Variants in C10orf71 observed in about 807,000 individuals in gnomAD.
The protein encoded by C10orf71 is chromosome 10 open reading frame 71.
For missense variants in C10orf71, 1,869 were observed against 1,804.5 expected (o/e 1.04, Z -0.65); for synonymous variants, 758 against 726.3 (o/e 1.04, Z -0.70).
At chr10:49,308,960 A>C (rs1226408436) in intron 1 of C10orf71, among the ~76,000 whole-genome samples, 2 of 152,172 alleles carry the variant, frequency 1.3e-5, no homozygotes, top group Non-Finnish European at 2.9e-5. Context: ...CCTGCTCAGC[A>C]CTCCCAGGCC....
Position 49,324,956 on chromosome 10 carries a change from G to C in C10orf71, c.2411G>C (p.Arg804Thr). The C allele has an allele frequency of 6.4e-7, 1 of 1,551,032 alleles. No homozygotes were observed. The change falls in exon 3 of 3, where the codon AGG becomes ACG. Residue 804 changes from arginine to threonine, a missense_variant. Arg to Thr is a moderately conservative substitution (Grantham distance 71). Transcript: ENST00000374144. ...RSQGEALQRE[R>T]ESVSGGRTRK... The stretch of plus-strand genomic sequence containing the variant: ...CAGGGGGAAGCATTGCAAAGAGAAA[G>C]GGAAAGTGTGTCTGGAGGAAGAACC...
chr10:49,303,753 G>A (rs759211162), intron 1 of C10orf71, among the ~76,000 whole-genome samples: 1 of 152,240 alleles, frequency 6.6e-6, no homozygotes, highest in Non-Finnish European at 1.5e-5. Context: ...GGAGAACCAG[G>A]CTGGCCACAT....
intron 1 of C10orf71, among the ~76,000 whole-genome samples, chr10:49,311,588 A>G (rs34838288): frequency 0.13 from 19,440 of 152,272 alleles, 1,586 homozygotes; most frequent in East Asian, 0.28. Context: ...AAGGATCTCA[A>G]AGTCTAGTGG....
Position 49,324,913 on chromosome 10 carries a change from T to G in C10orf71, c.2368T>G (p.Cys790Gly). Residue 790 changes from cysteine (C) to glycine (G), a missense_variant, in exon 3 of 3, where the codon TGC becomes GGC. Cys to Gly is a radical substitution (Grantham distance 159, BLOSUM62 -3). Coordinates refer to ENST00000374144, the MANE Select transcript of C10orf71 (RefSeq NM_001135196.2). ...QYCALSNGHA[C>G]LENRSQGEAL... ...CTGTGCCTTAAGCAATGGGCACGCA[T>G]GCCTGGAAAACCGCAGCCAGGGGGA... The G allele has an allele frequency of 6.4e-7, 1 of 1,550,750 alleles. No homozygotes were observed. The highest frequency in any genetic ancestry group is 8.7e-7 in the Non-Finnish European group (1 of 1,146,248).
At chr10:49,309,562 T>C (rs957797154) in intron 1 of C10orf71, among the ~76,000 whole-genome samples, 5 of 152,214 alleles carry the variant, frequency 3.3e-5, no homozygotes, top group African/African-American at 1.2e-4. Context: ...ATTCTCCTCA[T>C]AAAGCATAGA....
chr10:49,324,137 T>A lies in C10orf71; in HGVS notation c.1592T>A (p.Val531Asp). ...KVLDEKTRGK[V>D]DGKQEPVSNG... is the part of the protein sequence containing the mutation. ...CTTGATGAGAAAACTAGAGGTAAGG[T>A]TGATGGAAAGCAAGAACCTGTGAGC... is the stretch of plus-strand genomic sequence containing the variant. The change falls in exon 3 of 3, where the codon GTT becomes GAT. Residue 531 changes from valine to aspartate, a missense_variant. Coordinates refer to ENST00000374144, the MANE Select transcript of C10orf71 (RefSeq NM_001135196.2). 2 of 1,613,744 alleles carry A rather than the reference T, an allele frequency of 1.2e-6. No homozygotes were observed. The highest frequency in any genetic ancestry group is 2.2e-5 in the South Asian group (2 of 91,060).
In C10orf71 at chr10:49,322,542, A is replaced by G. The variant is rs1849111964; in HGVS notation, c.-4A>G. The G allele has an allele frequency of 6.3e-7, 1 of 1,596,452 alleles. No individual in the cohort carries two copies. Among genetic ancestry groups the G allele is most frequent in the Admixed American group, 1.7e-5 (1 of 58,900 alleles). On this transcript the variant is annotated 5_prime_UTR_variant, in exon 3 of 3. Transcript: ENST00000374144. The stretch of plus-strand genomic sequence containing the variant: ...GACAAGGACAGCTTTCTTGGAGCCA[A>G]CAGATGATGCAAGGAAATAAGAAGT...
intron 1 of C10orf71, among the ~76,000 whole-genome samples, chr10:49,311,114 T>TC (rs1848905707): frequency 6.6e-6 from 1 of 151,578 alleles, no homozygotes; most frequent in East Asian, 2.0e-4. Context: ...ACATGGAATA[T>TC]CTGGGTCCTC....
chr10:49,320,530 A>T (rs1259284223), intron 2 of C10orf71, among the ~76,000 whole-genome samples: 1 of 152,220 alleles, frequency 6.6e-6, no homozygotes, highest in Non-Finnish European at 1.5e-5. Context: ...GGGATAGGCC[A>T]CAAAGATGTA....
upstream of C10orf71, chr10:49,299,002 A>G (rs1422287268): frequency 1.3e-5 from 2 of 152,174 alleles, no homozygotes; most frequent in African/African-American, 4.8e-5. Flanking sequence ...AGCTTTAGCA[A>G]TCATTCTGGA....
chr10:49,300,834 G>A (rs141857163), intron 1 of C10orf71, among the ~76,000 whole-genome samples: 1 of 152,348 alleles, frequency 6.6e-6, no homozygotes, highest in East Asian at 1.9e-4. Context: ...GGGAACAACT[G>A]TGTGCGGTGG....
At chr10:49,312,916 A>G (rs1293678329) in intron 1 of C10orf71, among the ~76,000 whole-genome samples, 1 of 152,230 alleles carries the variant, frequency 6.6e-6, no homozygotes, top group Non-Finnish European at 1.5e-5. Context: ...TTGACTGTCA[A>G]TAAAATAAGT....
intron 1 of C10orf71, among the ~76,000 whole-genome samples, chr10:49,308,780 C>T (rs1042064858): frequency 7.9e-5 from 12 of 152,138 alleles, no homozygotes; most frequent in African/African-American, 1.4e-4. Flanking sequence ...GCTTAAGTCA[C>T]GCTTACGAGA....
At chr10:49,308,566 A>G (rs1848857055) in intron 1 of C10orf71, among the ~76,000 whole-genome samples, 1 of 152,198 alleles carries the variant, frequency 6.6e-6, no homozygotes, top group African/African-American at 2.4e-5. Context: ...TTACACACAT[A>G]AGAGGCACTG....
At position 49,322,972 on chromosome 10, in the gene C10orf71, G is replaced by A. The variant is rs772951252; in HGVS notation, c.427G>A (p.Val143Ile). The change falls in exon 3 of 3, where the codon GTA (valine) becomes ATA (isoleucine). Residue 143 changes from valine (V) to isoleucine (I), a missense_variant. Coordinates refer to ENST00000374144, the MANE Select transcript of C10orf71 (RefSeq NM_001135196.2). The stretch of plus-strand genomic sequence containing the variant: ...GAGCAGCAATAAGCCTGTCTCCAAA[G>A]TATCAACACTAATTAAATCTTTCGA... ...LRSSNKPVSK[V>I]STLIKSFDRT... 2.4e-5 allele frequency: 38 copies of A among 1,613,900 alleles called. No individual in the cohort carries two copies. Among genetic ancestry groups the A allele is most frequent in the Admixed American group, 1.2e-4 (7 of 60,008 alleles).
chr10:49,319,771 TCA>T (rs55987453), intron 2 of C10orf71, among the ~76,000 whole-genome samples: 1 of 141,210 alleles, frequency 7.1e-6, no homozygotes, highest in African/African-American at 2.7e-5. Flanking sequence ...TATATGTATA[TCA>T]CACACACACA....
chr10:49,317,694 T>C (rs1849022848), intron 2 of C10orf71, among the ~76,000 whole-genome samples: 1 of 152,090 alleles, frequency 6.6e-6, no homozygotes, highest in African/African-American at 2.4e-5. Context: ...ATACAAAAAA[T>C]AGAAAAATTA....
chr10:49,311,845 C>A lies in C10orf71; in HGVS notation c.-247-4300C>A, dbSNP rs200369560. Among the ~76,000 whole-genome samples the A allele has an allele frequency of 1.6e-4, 24 of 152,202 alleles. No individual in the cohort carries two copies. In the East Asian group the frequency reaches 4.5e-3, roughly 28 times the overall value. ...GGAGGGTGTGGGAGCAGGCAGAGCT[C>A]CCCTGCCAAGAGGGACTTGAGGGTC... is the stretch of plus-strand genomic sequence containing the variant. On this transcript the variant is annotated intron_variant, in intron 1 of 2. Coordinates refer to ENST00000374144, the MANE Select transcript of C10orf71 (RefSeq NM_001135196.2).
chr10:49,315,197 T>G (rs1184087458), intron 1 of C10orf71, among the ~76,000 whole-genome samples: 3 of 152,234 alleles, frequency 2.0e-5, no homozygotes, highest in African/African-American at 7.2e-5. Context: ...ACACCACCAA[T>G]TCAAGCAATT....
Sources: allele counts gnomAD v4.1 joint callset (sites outside exome capture counted in the v4.1 genomes callset), GRCh38; gene constraint gnomAD v4.1.1; transcripts MANE v1.5; gene names NCBI Gene and HGNC (gene_info 2026-07-23, HGNC 2026-07-21).